ABCA9: variants seen among roughly 807,000 people sequenced by gnomAD.
The protein encoded by ABCA9 is ATP binding cassette subfamily A member 9.
Under a neutral mutation model 205.3 loss-of-function variants are expected in ABCA9, and 183 were observed. That is an observed-to-expected ratio of 0.89 (90% confidence interval 0.79 to 1.01). The LOEUF is 1.01. ABCA9 is among the 50% of genes least tolerant of loss of function. The pLI is 0.00. For synonymous variants in ABCA9, 651 were observed against 683.3 expected (o/e 0.95, Z 0.74); for missense variants, 1,805 against 1,912.4 (o/e 0.94, Z 1.05).
chr17:69,071,538 A>G, the ABCA9 span, among the ~76,000 whole-genome samples: 14 of 152,330 alleles, frequency 9.2e-5, no homozygotes, highest in African/African-American at 3.4e-4. Context: ...ACAGAAAACA[A>G]TAGCATCAAC....
chr17:69,024,542 A>C (rs1453681607), intron 16 of ABCA9, among the ~76,000 whole-genome samples, 189 bp from the exon 17 acceptor site: 1 of 152,192 alleles, frequency 6.6e-6, no homozygotes, highest in Non-Finnish European at 1.5e-5. Context: ...ACATGGCAGA[A>C]GAATTAGTAT....
chr17:69,050,459 A>AT (rs1284111190), intron 2 of ABCA9, among the ~76,000 whole-genome samples: 1 of 152,062 alleles, frequency 6.6e-6, no homozygotes. Context: ...AGTTTACTAA[A>AT]TTTTTTGCAC....
At chr17:69,002,841 T>C (rs2069937986) in intron 25 of ABCA9, among the ~76,000 whole-genome samples, 1 of 143,858 alleles carries the variant, frequency 7.0e-6, no homozygotes, top group Non-Finnish European at 1.5e-5. Flanking sequence ...TTAGCTCTTC[T>C]TGTTGAATTG....
At position 69,035,229 on chromosome 17, in the gene ABCA9, G is replaced by A. The variant is rs559310203; in HGVS notation, c.1128+17C>T. On this transcript the variant is annotated intron_variant, in intron 8 of 38. Coordinates refer to ENST00000340001, the MANE Select transcript of ABCA9 (RefSeq NM_080283.4). The stretch of plus-strand genomic sequence containing the variant: ...AGAACGGTTTGTAAAAAGTGAAAGT[G>A]TTACCTTAACTCTTACCTGGGCCAT... 298 of 1,507,220 alleles carry A rather than the reference G, an allele frequency of 2.0e-4. 6 individuals carry two copies. In the East Asian group the frequency reaches 5.5e-3, roughly 28 times the overall value. 93.4% of individuals were successfully genotyped at this position (1,507,220 alleles called of 1,614,324 possible).
rs2070200770 is a variant in ABCA9, at chr17:69,007,787, C to G, written c.3407G>C (p.Ser1136Thr). Residue 1136 changes from serine (S) to threonine (T), a missense_variant, in exon 25 of 39, where the codon AGT becomes ACT. By Grantham distance (58) the Ser-to-Thr change is moderately conservative. Transcript: ENST00000340001. ...TAAGAAGAAAAATGACCAAATGCCA[C>G]TATTTTTTCTCCCATTGCGAAAAAT... ...SFIFRNGRKN[S>T]GIWSFFFLIV... is the part of the protein sequence containing the mutation. The G allele has an allele frequency of 6.2e-7, 1 of 1,606,396 alleles. No individual in the cohort carries two copies. Among genetic ancestry groups the G allele is most frequent in the East Asian group, 2.2e-5 (1 of 44,734 alleles).
chr17:69,075,544 A>T, the ABCA9 span, among the ~76,000 whole-genome samples: 1 of 152,120 alleles, frequency 6.6e-6, no homozygotes, highest in Non-Finnish European at 1.5e-5. Context: ...CAAAGAACAG[A>T]TGGCTATTGG....
Position 69,028,628 on chromosome 17 carries a change from A to G in ABCA9, c.1522T>C (p.Tyr508His), listed in dbSNP as rs1217178445. ...EALKGVVFDI[Y>H]EGQITALLGH... ...AGGAGGGCAGTGATCTGGCCTTCAT[A>G]TATGTCAAACACCACACCTGGCATG... Residue 508 changes from tyrosine to histidine, a missense_variant, in exon 12 of 39, where the codon TAT (tyrosine) becomes CAT (histidine). By Grantham distance (83) the Tyr-to-His change is moderately conservative. Transcript: ENST00000340001. 3.1e-6 allele frequency: 5 copies of G among 1,600,614 alleles called. No homozygotes were observed. Among genetic ancestry groups the G allele is most frequent in the South Asian group, 1.1e-5 (1 of 89,060 alleles).
At chr17:69,050,619 A>G (rs756516718) in intron 2 of ABCA9, among the ~76,000 whole-genome samples, 2 of 152,130 alleles carry the variant, frequency 1.3e-5, no homozygotes, top group Non-Finnish European at 2.9e-5. Context: ...ATTGTGTAGA[A>G]GTGCTACAAT....
intron 31 of ABCA9, among the ~76,000 whole-genome samples, chr17:68,988,195 C>T (rs2069312007): frequency 6.6e-6 from 1 of 152,156 alleles, no homozygotes; most frequent in South Asian, 2.1e-4. Context: ...TGACATTGAG[C>T]TCATGTTCAA....
chr17:69,078,124 G>A, the ABCA9 span, among the ~76,000 whole-genome samples: 1 of 151,638 alleles, frequency 6.6e-6, no homozygotes, highest in South Asian at 2.1e-4. Context: ...AGGTATAATG[G>A]AACTACTTTT....
chr17:68,989,418 A>T (rs548994602), intron 30 of ABCA9, among the ~76,000 whole-genome samples: 42 of 152,206 alleles, frequency 2.8e-4, no homozygotes, highest in African/African-American at 9.1e-4. Flanking sequence ...ACATATTTTG[A>T]TTTCAAAGCC....
At chr17:69,070,073 A>T in the ABCA9 span, among the ~76,000 whole-genome samples, 11 of 152,198 alleles carry the variant, frequency 7.2e-5, no homozygotes, top group Admixed American at 2.0e-4. Context: ...TCATTGTAAA[A>T]CAAATTTACA....
rs1325603058 is a variant in ABCA9, at chr17:69,008,661, G to A, written c.3148-426C>T. Among the ~76,000 whole-genome samples the A allele has an allele frequency of 3.3e-5, 5 of 152,222 alleles. No homozygotes were observed. The East Asian group carries it at 9.6e-4, about 29-fold the overall frequency. ...CATTTATCATTGGCATTTTATTTTG[G>A]GTCTAAGAAATGGTCCTCTAGTTGA... is the stretch of plus-strand genomic sequence containing the variant. On this transcript the variant is annotated intron_variant, in intron 23 of 38. Coordinates refer to ENST00000340001, the MANE Select transcript of ABCA9 (RefSeq NM_080283.4).
intron 17 of ABCA9, chr17:69,022,455 G>T (rs561274976): frequency 6.6e-6 from 1 of 151,978 alleles, no homozygotes; most frequent in Admixed American, 6.6e-5. Context: ...CTCCCGAGTA[G>T]CTGGGATTAC....
intron 6 of ABCA9, among the ~76,000 whole-genome samples, chr17:69,038,663 A>G (rs1002113941): frequency 6.6e-6 from 1 of 152,160 alleles, no homozygotes; most frequent in African/African-American, 2.4e-5. Flanking sequence ...GCACAAGACA[A>G]GGACGCCCTC....
rs1014164215 is a variant in ABCA9, at chr17:68,987,857, C to T, written c.4047+1170G>A. ...CTCACCGCAACCTTGGCCTCCCGGC[C>T]GGGTTCAAGCAATTCTCCTGCCTCA... On this transcript the variant is annotated intron_variant, in intron 31 of 38. Transcript: ENST00000340001. 1.4e-4 allele frequency among the ~76,000 whole-genome samples: 22 copies of T among 151,934 alleles called. 1 individual carries two copies. Among genetic ancestry groups the T allele is most frequent in the Admixed American group, 3.9e-4 (6 of 15,250 alleles).
intron 25 of ABCA9, among the ~76,000 whole-genome samples, chr17:69,001,313 G>A (rs545061198): frequency 6.6e-6 from 1 of 152,178 alleles, no homozygotes; most frequent in Non-Finnish European, 1.5e-5. Flanking sequence ...TTTATTGAGA[G>A]TTTTTAGCAT....
the ABCA9 span, among the ~76,000 whole-genome samples, chr17:69,066,686 A>T: frequency 6.6e-6 from 1 of 152,150 alleles, no homozygotes; most frequent in South Asian, 2.1e-4. Flanking sequence ...TGACAACACG[A>T]AGTAAAGATT....
chr17:68,981,574 T>C (rs535610037), intron 37 of ABCA9, among the ~76,000 whole-genome samples: 5 of 151,918 alleles, frequency 3.3e-5, no homozygotes, highest in African/African-American at 1.2e-4. Flanking sequence ...GATGAGAAAG[T>C]GAAACAAAAA....
Sources: gnomAD v4.1 joint callset for allele counts (sites outside exome capture counted in the v4.1 genomes callset) on GRCh38, gnomAD v4.1.1 for gene constraint, MANE v1.5 for transcripts, NCBI Gene and HGNC (gene_info 2026-07-23, HGNC 2026-07-21) for gene names.